The following HP1BP3 variants were observed in gnomAD, a reference collection of about 807,000 sequenced individuals.
HP1BP3 encodes heterochromatin protein 1-binding protein 3.
HP1BP3 carries 12 observed loss-of-function variants against 62.5 expected under a neutral mutation model. The ratio of observed to expected loss-of-function variants is 0.19; its 90% CI spans 0.12 to 0.31. The LOEUF (loss-of-function observed/expected upper bound fraction) is 0.31. Among genes scored for constraint, HP1BP3 ranks in the 10% least tolerant of loss-of-function variants. The probability of loss-of-function intolerance (pLI) is 1.00; values close to 1 mark genes in which losing one functional copy is unlikely to be tolerated. For missense variants in HP1BP3, 502 were observed against 651.8 expected (o/e 0.77, Z 2.50); for synonymous variants, 260 against 237.8 (o/e 1.09, Z -0.86).
chr1:20,777,932 T>C (rs1156976073), intron 3 of HP1BP3, among the ~76,000 whole-genome samples: 1 of 152,202 alleles, frequency 6.6e-6, no homozygotes, highest in African/African-American at 2.4e-5. Context: ...ACTATAACAA[T>C]GGTATCTGGG....
Position 20,767,568 on chromosome 1 carries a change from G to C in HP1BP3, c.735+16C>G. The C allele has an allele frequency of 4.5e-6, 7 of 1,540,382 alleles. No individual in the cohort carries two copies. The highest frequency in any genetic ancestry group is 6.3e-6 in the Non-Finnish European group (7 of 1,116,784). On this transcript the variant is annotated intron_variant, in intron 7 of 12. Coordinates refer to ENST00000438032, the MANE Select transcript of HP1BP3 (RefSeq NM_001372052.1). ...AACAGCTCCACAGCACTCAAACTGT[G>C]GTATAGATGTCTTACCTTTCTGTTT...
At chr1:20,759,609 C>T (rs12096948) in intron 8 of HP1BP3, among the ~76,000 whole-genome samples, 2 of 152,168 alleles carry the variant, frequency 1.3e-5, no homozygotes, top group African/African-American at 2.4e-5. Context: ...TCTCAGACTT[C>T]GAGTCTGCAC....
In HP1BP3 at chr1:20,742,057, T is replaced by C. The variant is rs993389812; in HGVS notation, c.*2740A>G. 1.3e-5 allele frequency among the ~76,000 whole-genome samples: 2 copies of C among 152,220 alleles called. No individual in the cohort carries two copies. Among genetic ancestry groups the C allele is most frequent in the African/African-American group, 4.8e-5 (2 of 41,450 alleles). Reference sequence around the variant, plus strand: ...ACTGTCCTTATAGTTAACAGAACGTTAGAGTTGGAAGAAACTTTAAATGAT... The same window carrying C: ...ACTGTCCTTATAGTTAACAGAACGTCAGAGTTGGAAGAAACTTTAAATGAT... On this transcript the variant is annotated 3_prime_UTR_variant, in exon 13 of 13. Transcript: ENST00000438032.
chr1:20,741,488 C>A lies in HP1BP3; in HGVS notation c.*3309G>T, dbSNP rs1056148724. Among the ~76,000 whole-genome samples the A allele has an allele frequency of 2.0e-5, 3 of 152,150 alleles. No individual in the cohort carries two copies. The highest frequency in any genetic ancestry group is 4.4e-5 in the Non-Finnish European group (3 of 68,012). On this transcript the variant is annotated 3_prime_UTR_variant, in exon 13 of 13. Coordinates refer to ENST00000438032, the MANE Select transcript of HP1BP3 (RefSeq NM_001372052.1). The stretch of plus-strand genomic sequence containing the variant: ...TCATGTCATTTTCCTGTTAATTATA[C>A]CCAAAAGACATGATTAAAACATACA...
At chr1:20,746,186 A>ATATATGTGTGTG (rs1286650893) in intron 11 of HP1BP3, among the ~76,000 whole-genome samples, 52 of 143,246 alleles carry the variant, frequency 3.6e-4, no homozygotes, top group African/African-American at 1.3e-3. Context: ...ACATACATAT[A>ATATATGTGTGTG]TGTGTGTGTG....
Position 20,750,814 on chromosome 1 carries a change from C to CTT in HP1BP3, c.982-933_982-932insAA, listed in dbSNP as rs2055690911. ...TTAATGAACAATAAATATATTTTCT[C>CTT]TCTTTTTTTTTTTTTTTTTTTGAGA... On this transcript the variant is annotated intron_variant, in intron 9 of 12. Transcript: ENST00000438032. 7.5e-5 allele frequency among the ~76,000 whole-genome samples: 8 copies of CTT among 107,182 alleles called. No homozygotes were observed. In the South Asian group the frequency reaches 2.3e-3, roughly 31 times the overall value. 70.3% of individuals were successfully genotyped at this position (107,182 alleles called of 152,430 possible).
At chr1:20,764,511 GTT>G (rs908590315) in intron 8 of HP1BP3, among the ~76,000 whole-genome samples, 1 of 145,710 alleles carries the variant, frequency 6.9e-6, no homozygotes, top group Non-Finnish European at 1.5e-5. Flanking sequence ...AGCCAGCCTA[GTT>G]TTTTTTTTGT....
At position 20,782,968 on chromosome 1, in the gene HP1BP3, T is replaced by G. The variant is rs563989658; in HGVS notation, c.-100-2428A>C. Among the ~76,000 whole-genome samples, 194 of 150,258 alleles carry G rather than the reference T, an allele frequency of 1.3e-3. 1 individual carries two copies. The highest frequency in any genetic ancestry group is 4.6e-3 in the African/African-American group (188 of 40,860). ...CACACACAAAAGATAAAAAATTAGC[T>G]GGTCACTGTGGCACATGCCCGTAGT... On this transcript the variant is annotated intron_variant, in intron 1 of 12. Transcript: ENST00000438032.
chr1:20,749,018 A>G (rs182253367), intron 10 of HP1BP3, among the ~76,000 whole-genome samples: 2 of 152,324 alleles, frequency 1.3e-5, no homozygotes, highest in East Asian at 1.9e-4. Flanking sequence ...GCTTAGGTTA[A>G]TAAGAAATAA....
chr1:20,762,154 T>C (rs1200093819), intron 8 of HP1BP3, among the ~76,000 whole-genome samples: 1 of 152,120 alleles, frequency 6.6e-6, no homozygotes, highest in Non-Finnish European at 1.5e-5. Flanking sequence ...ATGAAAGGAC[T>C]CCATTATAAT....
At chr1:20,745,173 GA>G in intron 12 of HP1BP3, 82 bp from the exon 13 acceptor site, 1 of 1,460,862 alleles carries the variant, frequency 6.8e-7, no homozygotes, top group Non-Finnish European at 9.2e-7. Context: ...TTTCTAAAGA[GA>G]AACGGCATAT....
Position 20,745,537 on chromosome 1 carries a change from C to A in HP1BP3, c.1367+6G>T, listed in dbSNP as rs777237685. 2 of 1,614,010 alleles carry A rather than the reference C, an allele frequency of 1.2e-6. No individual in the cohort carries two copies. Among genetic ancestry groups the A allele is most frequent in the Admixed American group, 3.3e-5 (2 of 60,000 alleles). ...CTCCCCACAAGGGGTTTTCACATGT[C>A]CACACCTTCTCTTAGGTGGCGGCTC... On this transcript the variant is annotated splice_donor_region_variant and intron_variant, in intron 12 of 12. Transcript: ENST00000438032.
At chr1:20,781,523 T>C (rs1362391861) in intron 1 of HP1BP3, among the ~76,000 whole-genome samples, 2 of 152,202 alleles carry the variant, frequency 1.3e-5, no homozygotes. Flanking sequence ...ACCAGACTTG[T>C]CAATTGTCAG....
intron 1 of HP1BP3, among the ~76,000 whole-genome samples, chr1:20,780,839 G>A (rs2057511186): frequency 1.3e-5 from 2 of 152,194 alleles, no homozygotes; most frequent in African/African-American, 4.8e-5. Flanking sequence ...CAGGAACTTA[G>A]AAGGATAGAA....
intron 9 of HP1BP3, 67 bp downstream of exon 9, chr1:20,757,099 A>AT (rs2056160543): frequency 1.1e-6 from 1 of 923,664 alleles, no homozygotes; most frequent in Non-Finnish European, 1.8e-6. Context: ...TTTTTACAGT[A>AT]TAAGGAGGTC....
rs1229384419 is a variant in HP1BP3, at chr1:20,745,613, C to T, written c.1297G>A (p.Asp433Asn). Residue 433 changes from aspartate to asparagine, a missense_variant, in exon 12 of 13, where the codon GAT becomes AAT. Physicochemically the swap from Asp to Asn is conservative, Grantham distance 23. This residue lies in a region of HP1BP3 where 194 missense variants were observed against 207.0 expected (regional missense o/e 0.94). Coordinates refer to ENST00000438032, the MANE Select transcript of HP1BP3 (RefSeq NM_001372052.1). ...FPKKEPDDSRDEDEDEDESSE... is the reference protein window; with the variant it reads ...FPKKEPDDSRNEDEDEDESSE... ...GACTCATCTTCATCTTCATCCTCAT[C>T]TCTAGAATCATCTGGCTCTTTCTTC... 1 of 1,613,922 alleles carries T rather than the reference C, an allele frequency of 6.2e-7. No individual in the cohort carries two copies. The highest frequency in any genetic ancestry group is 1.3e-5 in the African/African-American group (1 of 74,924).
chr1:20,767,763 G>C, intron 6 of HP1BP3, 99 bp from the exon 7 acceptor site: 1 of 661,960 alleles, frequency 1.5e-6, no homozygotes, highest in Non-Finnish European at 2.5e-6. Flanking sequence ...GTAAAGTGGT[G>C]TTTACTTCTT....
chr1:20,757,090 T>G (rs910758339), intron 9 of HP1BP3, 76 bp downstream of exon 9: 1 of 812,026 alleles, frequency 1.2e-6, no homozygotes, highest in Non-Finnish European at 2.1e-6. Context: ...CTCAATAAAT[T>G]TTTACAGTAT....
At chr1:20,758,660 T>G (rs1372682641) in intron 8 of HP1BP3, among the ~76,000 whole-genome samples, 2 of 148,280 alleles carry the variant, frequency 1.3e-5, no homozygotes, top group East Asian at 4.1e-4. Context: ...TTTTTTTTTT[T>G]TCTGAGAGAG....
Sources: allele counts gnomAD v4.1 joint callset (sites outside exome capture counted in the v4.1 genomes callset), GRCh38; gene constraint gnomAD v4.1.1; regional missense constraint gnomAD v4.1.1; transcripts MANE v1.5; gene names NCBI Gene and HGNC (gene_info 2026-07-23, HGNC 2026-07-21).